Variants in UBE2C observed in about 807,000 individuals in gnomAD.
The protein encoded by UBE2C is ubiquitin-conjugating enzyme E2 C.
UBE2C carries 16 observed loss-of-function variants against 23.5 expected under a neutral mutation model. That is an observed-to-expected ratio of 0.68 (90% CI 0.46 to 1.03). The LOEUF (loss-of-function observed/expected upper bound fraction) is 1.03. UBE2C is among the 50% of genes least tolerant of loss of function. The probability of loss-of-function intolerance (pLI) is 0.00; values close to 1 mark genes in which losing one functional copy is unlikely to be tolerated. For missense variants in UBE2C, 192 were observed against 227.6 expected, an observed-to-expected ratio of 0.84 and a Z score of 1.01; for synonymous variants, 76 against 91.6, an observed-to-expected ratio of 0.83 and a Z score of 0.97.
Position 45,815,920 on chromosome 20 carries a change from C to T in UBE2C, c.481+7C>T, listed in dbSNP as rs1049379327. The T allele has an allele frequency of 5.6e-6, 9 of 1,614,030 alleles. No homozygotes were observed. The highest frequency in any genetic ancestry group is 7.6e-6 in the Non-Finnish European group (9 of 1,179,976). On this transcript the variant is annotated splice_region_variant and intron_variant, in intron 5 of 5. Transcript: ENST00000356455. The stretch of plus-strand genomic sequence containing the variant: ...CTCTGGAAAAACCCCACAGGTGAGT[C>T]CTCAGTCCTTGAGCCCAGGGTGATC...
intron 3 of UBE2C, chr20:45,815,239 C>A: frequency 1.4e-6 from 1 of 703,228 alleles, no homozygotes; most frequent in Non-Finnish European, 2.3e-6. Flanking sequence ...AAGCATCAGG[C>A]TAGGCATAGT....
chr20:45,815,138 G>C (rs1046280333), intron 3 of UBE2C, among the ~76,000 whole-genome samples: 1 of 151,814 alleles, frequency 6.6e-6, no homozygotes, highest in Non-Finnish European at 1.5e-5. Context: ...CGCCCGGCCA[G>C]CAACTAATAT....
rs1455717768 is a variant in UBE2C at position 45,815,260 on chromosome 20, T to G, written c.217-281T>G. 9 of 888,792 alleles carry G rather than the reference T, an allele frequency of 1.0e-5. No individual in the cohort carries two copies. The East Asian group carries it at 2.0e-4, about 20-fold the overall frequency. 55.1% of individuals were successfully genotyped at this position (888,792 alleles called of 1,614,324 possible). A position where few individuals can be genotyped will look rare whatever the true frequency, so the allele number is the denominator to read the frequency against. ...CAGGCTAGGCATAGTGGCTCACACC[T>G]GTAATCTCAGCACTTTGGGAGGCTG... On this transcript the variant is annotated intron_variant, in intron 3 of 5. Coordinates refer to ENST00000356455, the MANE Select transcript of UBE2C (RefSeq NM_007019.4).
chr20:45,813,879 C>T (rs150582607), intron 2 of UBE2C, among the ~76,000 whole-genome samples: 2 of 151,982 alleles, frequency 1.3e-5, no homozygotes, highest in African/African-American at 4.8e-5. Context: ...CTAAGGTGGG[C>T]GGATCACTTG....
rs1421921164 is a variant in UBE2C at position 45,816,846 on chromosome 20, A to C, written c.*79A>C. 3.2e-6 allele frequency: 4 copies of C among 1,251,168 alleles called. No individual in the cohort carries two copies. Among genetic ancestry groups the C allele is most frequent in the Non-Finnish European group, 4.5e-6 (4 of 883,104 alleles). 77.5% of individuals were successfully genotyped at this position (1,251,168 alleles called of 1,614,324 possible). A position where few individuals can be genotyped will look rare whatever the true frequency, so the allele number is the denominator to read the frequency against. On this transcript the variant is annotated 3_prime_UTR_variant, in exon 6 of 6. Coordinates refer to ENST00000356455, the MANE Select transcript of UBE2C (RefSeq NM_007019.4). ...TCTGTCCTTTTTGTGATTTCTGTAT[A>C]GGACTCTTTATCTTGAGCTGTGGTA...
At chr20:45,814,870 C>T (rs183120488) in intron 3 of UBE2C, among the ~76,000 whole-genome samples, 1,520 of 147,652 alleles carry the variant, frequency 0.01, 18 homozygotes, top group Admixed American at 0.014. Context: ...CTCGCTCTGT[C>T]GCCCAGGCCA....
intron 2 of UBE2C, 136 bp from the exon 3 acceptor site, chr20:45,814,248 A>ATG (rs1413188248): frequency 1.4e-5 from 5 of 361,282 alleles, no homozygotes; most frequent in Non-Finnish European, 9.7e-6. Context: ...GTATACATAT[A>ATG]TATGTGTGTG....
intron 1 of UBE2C, chr20:45,813,063 C>T (rs1329688470): frequency 1.4e-6 from 2 of 1,410,300 alleles, no homozygotes; most frequent in Non-Finnish European, 1.8e-6. Context: ...TTGAGACTCT[C>T]CCGAAGGAGA....
intron 1 of UBE2C, chr20:45,813,016 GAGAGAT>G (rs1426164617): frequency 1.4e-6 from 2 of 1,427,460 alleles, no homozygotes; most frequent in East Asian, 5.1e-5. Flanking sequence ...GGTGAGATTC[GAGAGAT>G]GGGGGACAGG....
chr20:45,812,829 G>A (rs1287513468), intron 1 of UBE2C, 33 bp downstream of exon 1: 1 of 1,542,030 alleles, frequency 6.5e-7, no homozygotes, highest in African/African-American at 1.4e-5. Context: ...CGCCGGGCCT[G>A]CCATGCCCTA....
intron 5 of UBE2C, among the ~76,000 whole-genome samples, chr20:45,816,269 G>T (rs891536182): frequency 6.6e-6 from 1 of 152,128 alleles, no homozygotes; most frequent in East Asian, 1.9e-4. Flanking sequence ...GGAGAATGCC[G>T]GGCTGGGAAA....
In UBE2C at chr20:45,812,646, A is replaced by C; in HGVS notation, c.-50A>C. The C allele has an allele frequency of 6.5e-7, 1 of 1,544,134 alleles. No homozygotes were observed. Among genetic ancestry groups the C allele is most frequent in the Non-Finnish European group, 8.8e-7 (1 of 1,141,126 alleles). On this transcript the variant is annotated 5_prime_UTR_variant, in exon 1 of 6. Coordinates refer to ENST00000356455, the MANE Select transcript of UBE2C (RefSeq NM_007019.4). ...CGGGCGGGCGGGCCCGCAGTCCTGC[A>C]GTTGCAGTCGTGTTCTCCGAGTTCC...
In UBE2C at chr20:45,814,423, G is replaced by A. The variant is rs144831911; in HGVS notation, c.169G>A (p.Asp57Asn). Residue 57 changes from aspartate (D) to asparagine (N), a missense_variant, in exon 3 of 6, where the codon GAC becomes AAC. Asp to Asn is a conservative substitution (Grantham distance 23). Coordinates refer to ENST00000356455, the MANE Select transcript of UBE2C (RefSeq NM_007019.4). ...DKGISAFPES[D>N]NLFKWVGTIH... ...AGGGATTTCTGCCTTCCCTGAATCAGACAACCTTTTCAAATGGGTAGGGAC... is the reference window on the plus strand; with the variant it reads ...AGGGATTTCTGCCTTCCCTGAATCAAACAACCTTTTCAAATGGGTAGGGAC... 56 of 1,611,258 alleles carry A rather than the reference G, an allele frequency of 3.5e-5. 1 individual carries two copies. The South Asian group carries it at 5.9e-4, about 17-fold the overall frequency.
intron 2 of UBE2C, 69 bp downstream of exon 2, chr20:45,813,533 C>G: frequency 6.2e-7 from 1 of 1,607,676 alleles, no homozygotes. Context: ...TTTCCGTCAG[C>G]TTTTTTGCTA....
At position 45,812,796 on chromosome 20, in the gene UBE2C, G is replaced by A; in HGVS notation, c.101G>A (p.Arg34Lys). Residue 34 changes from arginine to lysine, a missense_variant and splice_region_variant, in exon 1 of 6, where the codon AGG becomes AAG. Arg to Lys is a conservative substitution (Grantham distance 26). Transcript: ENST00000356455. ...GCCGCCCGGGGTCCGGTGGGCAAAAGGTGAGTGATGCGGCCTACCACTCGC... is the reference window on the plus strand; with the variant it reads ...GCCGCCCGGGGTCCGGTGGGCAAAAAGTGAGTGATGCGGCCTACCACTCGC... The part of the protein sequence containing the change: ...GGAARGPVGK[R>K]LQQELMTLMM... The A allele has an allele frequency of 2.6e-6, 4 of 1,555,052 alleles. No homozygotes were observed. The highest frequency in any genetic ancestry group is 3.5e-6 in the Non-Finnish European group (4 of 1,149,450).
At chr20:45,813,317 C>T (rs555377255) in intron 1 of UBE2C, 120 bp from the exon 2 acceptor site, 1 of 1,595,568 alleles carries the variant, frequency 6.3e-7, no homozygotes, top group Non-Finnish European at 8.5e-7. Flanking sequence ...CTGAGCCTGA[C>T]CTTGGTGATG....
chr20:45,816,638 AAAATAAT>A, intron 5 of UBE2C, 64 bp from the exon 6 acceptor site: 1 of 1,468,238 alleles, frequency 6.8e-7, no homozygotes, highest in Non-Finnish European at 9.5e-7. Flanking sequence ...CTCCATCTCA[AAAATAAT>A]AAATAGTAAA....
At chr20:45,814,494 G>GAGT in intron 3 of UBE2C, 24 bp downstream of exon 3, 1 of 1,586,672 alleles carries the variant, frequency 6.3e-7, no homozygotes, top group Non-Finnish European at 8.6e-7. Context: ...TGGGATGGGT[G>GAGT]AGTGAGTCTG....
At chr20:45,813,062 T>C in intron 1 of UBE2C, 2 of 1,408,104 alleles carry the variant, frequency 1.4e-6, no homozygotes, top group South Asian at 3.2e-5. Flanking sequence ...TTTGAGACTC[T>C]CCCGAAGGAG....
Sources: allele counts gnomAD v4.1 joint callset (sites outside exome capture counted in the v4.1 genomes callset), GRCh38; gene constraint gnomAD v4.1.1; transcripts MANE v1.5; gene names NCBI Gene and HGNC (gene_info 2026-07-23, HGNC 2026-07-21).